The following STON2 variants were observed in gnomAD, a reference collection of about 807,000 sequenced individuals.
STON2 encodes stonin-2.
STON2 carries 29 observed loss-of-function variants against 65.7 expected under a neutral mutation model. That is an observed-to-expected ratio of 0.44 (90% CI 0.33 to 0.60). The LOEUF (loss-of-function observed/expected upper bound fraction) is 0.60. Among genes scored for constraint, STON2 ranks in the 20% least tolerant of loss-of-function variants. The probability of loss-of-function intolerance (pLI) is 0.03; values close to 1 mark genes in which losing one functional copy is unlikely to be tolerated. For missense variants in STON2, 1,054 were observed against 1,118.1 expected, an observed-to-expected ratio of 0.94 and a Z score of 0.82; for synonymous variants, 404 against 414.2, an observed-to-expected ratio of 0.98 and a Z score of 0.30.
chr14:81,280,680 CAGAT>C (rs1326040679), intron 5 of STON2, among the ~76,000 whole-genome samples: 5 of 152,268 alleles, frequency 3.3e-5, no homozygotes, highest in Admixed American at 6.5e-5. Flanking sequence ...TTTATTCAAA[CAGAT>C]AGCAATTCTC....
chr14:81,403,111 C>T (rs1900685629), upstream of STON2, among the ~76,000 whole-genome samples: 1 of 152,188 alleles, frequency 6.6e-6, no homozygotes, highest in African/African-American at 2.4e-5. Context: ...ATCCTATATT[C>T]CTGATGAACT....
At position 81,270,889 on chromosome 14, in the gene STON2, A is replaced by G. The variant is rs772296101; in HGVS notation, c.2582-17T>C. The G allele has an allele frequency of 8.7e-6, 14 of 1,609,724 alleles. No individual in the cohort carries two copies. The South Asian group carries it at 1.4e-4, about 16-fold the overall frequency. The stretch of plus-strand genomic sequence containing the variant: ...GACCGGAAGCTATGAAAGAAAGACA[A>G]TCGAGAGATCAGATTATTTGGGGAG... On this transcript the variant is annotated splice_polypyrimidine_tract_variant and intron_variant, in intron 6 of 7. Coordinates refer to ENST00000614646, the MANE Select transcript of STON2 (RefSeq NM_001394390.1).
intron 5 of STON2, among the ~76,000 whole-genome samples, chr14:81,318,798 G>A (rs562556436): frequency 1.3e-5 from 2 of 152,236 alleles, no homozygotes; most frequent in African/African-American, 2.4e-5. Context: ...CTGTGATCAC[G>A]CCACTGCACT....
chr14:81,327,082 TGA>T (rs1405214112), intron 4 of STON2, among the ~76,000 whole-genome samples: 1 of 152,174 alleles, frequency 6.6e-6, no homozygotes, highest in East Asian at 1.9e-4. Context: ...TGCTTGAACC[TGA>T]GAGGCAGAGG....
chr14:81,427,126 G>C (rs1401543380), exon 2 of STON2: 1 of 152,178 alleles, frequency 6.6e-6, no homozygotes, highest in Admixed American at 6.5e-5. Context: ...TTCAAACCCA[G>C]GCAGTCTGGC....
At chr14:81,393,273 T>C (rs1324437439) in intron 3 of STON2, among the ~76,000 whole-genome samples, 1 of 152,208 alleles carries the variant, frequency 6.6e-6, no homozygotes, top group Non-Finnish European at 1.5e-5. Flanking sequence ...CTGAATGGCA[T>C]GAATATAATC....
Position 81,269,261 on chromosome 14 carries a change from C to A in STON2, c.2785-764G>T, listed in dbSNP as rs939052974. On this transcript the variant is annotated intron_variant, in intron 7 of 7. Coordinates refer to ENST00000614646, the MANE Select transcript of STON2 (RefSeq NM_001394390.1). ...CCTCAAATGATCCACCTGCCTTGGCCTCCCAAAGGTCTGGGATTACAGCCA... is the reference window on the plus strand; with the variant it reads ...CCTCAAATGATCCACCTGCCTTGGCATCCCAAAGGTCTGGGATTACAGCCA... 1.1e-5 allele frequency: 10 copies of A among 931,392 alleles called. No individual in the cohort carries two copies. In the African/African-American group the frequency reaches 1.8e-4, roughly 17 times the overall value. The allele number at this position is 931,392 out of a possible 1,614,324, so 57.7% of individuals were successfully genotyped here.
At chr14:81,348,815 T>C (rs1897913963) in intron 4 of STON2, among the ~76,000 whole-genome samples, 2 of 152,026 alleles carry the variant, frequency 1.3e-5, no homozygotes, top group South Asian at 4.1e-4. Flanking sequence ...AAAAGAACCA[T>C]CTGAAGGTAT....
intron 4 of STON2, among the ~76,000 whole-genome samples, chr14:81,364,807 G>C (rs540069880): frequency 1.1e-4 from 16 of 152,198 alleles, no homozygotes; most frequent in Non-Finnish European, 1.9e-4. Context: ...GGAAAATGCT[G>C]GACTCTTAAG....
chr14:81,355,984 T>C (rs891913498), intron 4 of STON2, among the ~76,000 whole-genome samples: 13 of 152,196 alleles, frequency 8.5e-5, no homozygotes, highest in East Asian at 1.9e-4. Context: ...CTTTTTCTAA[T>C]TGAATACCCT....
At chr14:81,325,164 C>A (rs1277776067) in intron 4 of STON2, among the ~76,000 whole-genome samples, 5 of 152,194 alleles carry the variant, frequency 3.3e-5, no homozygotes, top group African/African-American at 1.2e-4. Flanking sequence ...CTGCAGCTGA[C>A]CTAAGGCTAG....
chr14:81,431,829 C>T (rs150727967), intron 1 of STON2, among the ~76,000 whole-genome samples: 51 of 151,900 alleles, frequency 3.4e-4, no homozygotes, highest in African/African-American at 1.1e-3. Context: ...CCTGTAATCC[C>T]AGCTACTTGG....
At chr14:81,416,077 G>A (rs1404405960) in intron 2 of STON2, among the ~76,000 whole-genome samples, 9 of 152,076 alleles carry the variant, frequency 5.9e-5, no homozygotes, top group African/African-American at 2.2e-4. Context: ...CAAGCTCTTC[G>A]GGCAGCAGGC....
chr14:81,425,485 T>A (rs144307730), intron 2 of STON2, among the ~76,000 whole-genome samples: 2 of 152,114 alleles, frequency 1.3e-5, no homozygotes, highest in East Asian at 3.9e-4. Context: ...GGCAGGAGAA[T>A]CACTTGAATT....
rs1407729881 is a variant in STON2 at position 81,366,044 on chromosome 14, T to C, written c.571+4944A>G. 3.3e-5 allele frequency among the ~76,000 whole-genome samples: 5 copies of C among 152,290 alleles called. No individual in the cohort carries two copies. In the East Asian group the frequency reaches 9.7e-4, roughly 29 times the overall value. ...GGTAAGAGAGGAGTGAAATGTTGTT[T>C]GGGATTTTGCCTATTAACAATTCTC... On this transcript the variant is annotated intron_variant, in intron 4 of 7. Transcript: ENST00000614646.
chr14:81,370,941 C>T, intron 4 of STON2, 47 bp downstream of exon 4: 2 of 1,575,530 alleles, frequency 1.3e-6, no homozygotes, highest in Non-Finnish European at 1.7e-6. Context: ...GACCTGGGTA[C>T]ACCAAAAGTG....
chr14:81,420,027 G>T (rs1901627163), intron 2 of STON2, among the ~76,000 whole-genome samples: 1 of 152,112 alleles, frequency 6.6e-6, no homozygotes, highest in Admixed American at 6.5e-5. Flanking sequence ...TTCCCCTTTG[G>T]TCAGAGTTCA....
intron 3 of STON2, among the ~76,000 whole-genome samples, chr14:81,388,326 C>A (rs1899920945): frequency 6.6e-6 from 1 of 152,176 alleles, no homozygotes; most frequent in Non-Finnish European, 1.5e-5. Context: ...TTATTCACTT[C>A]AAACCCTGCC....
intron 5 of STON2, among the ~76,000 whole-genome samples, chr14:81,287,913 C>T (rs1160990600): frequency 6.6e-6 from 1 of 152,136 alleles, no homozygotes; most frequent in Middle Eastern, 3.2e-3. Flanking sequence ...ATGAGGGCTC[C>T]ATTCTCCAAC....
Sources: gnomAD v4.1 joint callset for allele counts (sites outside exome capture counted in the v4.1 genomes callset) on GRCh38, gnomAD v4.1.1 for gene constraint, MANE v1.5 for transcripts, NCBI Gene and HGNC (gene_info 2026-07-23, HGNC 2026-07-21) for gene names.